WDR72: variants seen among roughly 807,000 people sequenced by gnomAD.
The protein encoded by WDR72 is WD repeat domain 72.
WDR72 carries 120 observed loss-of-function variants against 124.2 expected under a neutral mutation model. The ratio of observed to expected loss-of-function variants is 0.97; its 90% CI spans 0.83 to 1.12. The LOEUF (loss-of-function observed/expected upper bound fraction) is 1.12. Among genes scored for constraint, WDR72 ranks in the 50% most tolerant of loss-of-function variants. The pLI, the probability that WDR72 is intolerant of heterozygous loss-of-function variation, is 0.00. For synonymous variants in WDR72, 452 were observed against 441.7 expected, an observed-to-expected ratio of 1.02 and a Z score of -0.29; for missense variants, 1,387 against 1,278.8, an observed-to-expected ratio of 1.08 and a Z score of -1.29.
At chr15:53,536,662 T>C (rs17729707) in intron 18 of WDR72, among the ~76,000 whole-genome samples, 14,078 of 152,230 alleles carry the variant, frequency 0.092, 784 homozygotes, top group East Asian at 0.25. Flanking sequence ...TGGTGAACCA[T>C]TGCACAGTAA....
chr15:53,625,096 G>T (rs2014150537), intron 14 of WDR72, among the ~76,000 whole-genome samples: 1 of 152,090 alleles, frequency 6.6e-6, no homozygotes, highest in Non-Finnish European at 1.5e-5. Context: ...GTTAATTTTA[G>T]GATGATAAAA....
Position 53,514,231 on chromosome 15 carries a change from C to A in WDR72, c.*3468G>T, listed in dbSNP as rs2141158041. 1.3e-5 allele frequency: 2 copies of A among 152,206 alleles called. No individual in the cohort carries two copies. Among genetic ancestry groups the A allele is most frequent in the Non-Finnish European group, 2.9e-5 (2 of 68,004 alleles). 9.4% of individuals were successfully genotyped at this position (152,206 alleles called of 1,614,324 possible). The stretch of plus-strand genomic sequence containing the variant: ...AACTTTTGGCACTTTACATATAAGA[C>A]AACATTTTGTGGAGAATAAAGGAGT... On this transcript the variant is annotated 3_prime_UTR_variant, in exon 20 of 20. Transcript: ENST00000360509.
intron 17 of WDR72, among the ~76,000 whole-genome samples, chr15:53,605,746 T>C (rs1337072746): frequency 6.6e-6 from 1 of 152,044 alleles, no homozygotes; most frequent in Non-Finnish European, 1.5e-5. Context: ...TCCCAGCTAC[T>C]TGGGAGGATG....
chr15:53,627,451 G>C (rs1269959740), intron 14 of WDR72, among the ~76,000 whole-genome samples: 2 of 152,166 alleles, frequency 1.3e-5, no homozygotes, highest in Non-Finnish European at 2.9e-5. Context: ...TTGTAGAGTA[G>C]ATAGCAAATA....
At chr15:53,682,666 G>A (rs1049112116) in intron 13 of WDR72, among the ~76,000 whole-genome samples, 5 of 152,060 alleles carry the variant, frequency 3.3e-5, no homozygotes, top group African/African-American at 1.2e-4. Flanking sequence ...TAGGGCAGGG[G>A]CAAAATACGG....
chr15:53,644,778 G>A (rs2014982810), intron 14 of WDR72, among the ~76,000 whole-genome samples: 1 of 152,024 alleles, frequency 6.6e-6, no homozygotes, highest in Admixed American at 6.6e-5. Flanking sequence ...GATTGGCAGG[G>A]CAAATAGAAG....
chr15:53,647,119 T>A (rs2015070514), intron 14 of WDR72, among the ~76,000 whole-genome samples: 1 of 151,974 alleles, frequency 6.6e-6, no homozygotes, highest in South Asian at 2.1e-4. Flanking sequence ...CACAAACAGA[T>A]TAGAAAATCA....
intron 1 of WDR72, among the ~76,000 whole-genome samples, chr15:53,735,448 A>G (rs2018326270): frequency 6.6e-6 from 1 of 152,214 alleles, no homozygotes; most frequent in African/African-American, 2.4e-5. Context: ...ATGGGGAGTA[A>G]GAAAAGTTTT....
At chr15:53,597,543 T>A (rs1566976434) in intron 17 of WDR72, among the ~76,000 whole-genome samples, 1 of 152,256 alleles carries the variant, frequency 6.6e-6, no homozygotes, top group East Asian at 1.9e-4. Flanking sequence ...AACATTACAC[T>A]ATGGGACAAA....
chr15:53,714,467 T>G lies in WDR72; in HGVS notation c.558A>C (p.Val186=). 4 of 1,613,928 alleles carry G rather than the reference T, an allele frequency of 2.5e-6. No homozygotes were observed. Among genetic ancestry groups the G allele is most frequent in the South Asian group, 1.1e-5 (1 of 91,068 alleles). ...LVVSVAGELK[V]WDLSSSINSI... ...TGTTGATAGATGAGGAAAGATCCCA[T>G]ACTTTGAGCTCACCAGCTACTGATA... The change falls in exon 6 of 20, where the codon GTA becomes GTC. Residue 186 remains valine (V), a synonymous_variant. Coordinates refer to ENST00000360509, the MANE Select transcript of WDR72 (RefSeq NM_182758.4).
At chr15:53,702,062 CTTGTCTTATT>C (rs1376392274) in intron 12 of WDR72, 62 bp downstream of exon 12, 19 of 1,173,034 alleles carry the variant, frequency 1.6e-5, no homozygotes, top group Non-Finnish European at 2.0e-5. Context: ...GTCATTTTTA[CTTGTCTTATT>C]AAGTATTCTA....
intron 2 of WDR72, among the ~76,000 whole-genome samples, chr15:53,728,162 T>C (rs2018097401): frequency 6.6e-6 from 1 of 152,118 alleles, no homozygotes; most frequent in African/African-American, 2.4e-5. Flanking sequence ...CTCCCAATCA[T>C]GGTGGAAGGC....
At chr15:53,590,584 T>C (rs1409216164) in intron 18 of WDR72, among the ~76,000 whole-genome samples, 1 of 152,010 alleles carries the variant, frequency 6.6e-6, no homozygotes, top group Non-Finnish European at 1.5e-5. Flanking sequence ...ATTTGCTGAA[T>C]TAAGAAATCC....
chr15:53,709,438 G>C (rs2017472702), intron 9 of WDR72, among the ~76,000 whole-genome samples: 1 of 152,134 alleles, frequency 6.6e-6, no homozygotes, highest in Non-Finnish European at 1.5e-5. Flanking sequence ...CTTCCCATGA[G>C]ATTAGTTATT....
At chr15:53,658,548 A>G (rs927988965) in intron 14 of WDR72, among the ~76,000 whole-genome samples, 1 of 152,210 alleles carries the variant, frequency 6.6e-6, no homozygotes, top group African/African-American at 2.4e-5. Flanking sequence ...CATCTATACA[A>G]AAAGGTATAC....
chr15:53,567,824 T>C (rs891359289), intron 18 of WDR72, among the ~76,000 whole-genome samples: 6 of 151,778 alleles, frequency 4.0e-5, no homozygotes, highest in Non-Finnish European at 7.4e-5. Flanking sequence ...GTCAAATTAA[T>C]AACTAATTTA....
chr15:53,672,097 T>C (rs1391347572), intron 13 of WDR72, among the ~76,000 whole-genome samples: 1 of 152,080 alleles, frequency 6.6e-6, no homozygotes, highest in Non-Finnish European at 1.5e-5. Context: ...TGAATCCTTA[T>C]AATAAACACC....
At chr15:53,529,460 A>C (rs1892329638) in intron 18 of WDR72, among the ~76,000 whole-genome samples, 1 of 151,896 alleles carries the variant, frequency 6.6e-6, no homozygotes, top group Non-Finnish European at 1.5e-5. Flanking sequence ...AAGACCAACC[A>C]ACTACTGAGT....
chr15:53,718,022 A>T (rs554418157), intron 3 of WDR72, among the ~76,000 whole-genome samples: 1 of 152,318 alleles, frequency 6.6e-6, no homozygotes, highest in Non-Finnish European at 1.5e-5. Context: ...ATAAAGAAAC[A>T]TATTGCAAAG....
Sources: allele counts gnomAD v4.1 joint callset (sites outside exome capture counted in the v4.1 genomes callset), GRCh38; gene constraint gnomAD v4.1.1; transcripts MANE v1.5; gene names NCBI Gene and HGNC (gene_info 2026-07-23, HGNC 2026-07-21).